ANKRD28: variants seen among roughly 807,000 people sequenced by gnomAD.
ANKRD28 encodes ankyrin repeat domain 28, also known as serine/threonine-protein phosphatase 6 regulatory ankyrin repeat subunit A.
A neutral mutation model predicts 126.5 loss-of-function variants in ANKRD28; 44 were observed. The observed-to-expected ratio is 0.35, with a 90% CI of 0.27 to 0.45. The LOEUF (loss-of-function observed/expected upper bound fraction) is 0.45, where lower values mean the gene tolerates loss of function less well. ANKRD28 is among the 20% of genes least tolerant of loss of function. The pLI is 1.00. For missense variants in ANKRD28, 1,110 were observed against 1,316.6 expected (o/e 0.84, Z 2.43); for synonymous variants, 442 against 468.5 (o/e 0.94, Z 0.73).
chr3:15,816,865 T>C lies in ANKRD28; in HGVS notation c.28-21559A>G, dbSNP rs1259471317. On this transcript the variant is annotated intron_variant, in intron 1 of 27. Transcript: ENST00000399451. This position sits in a 1 kb window ranked among gnomAD's most constrained non-coding sequence, Gnocchi z 5.0. ...GCATAGGTTGTGCATAGATTAATCATAGAGTTAAAACACATCTGAAAACCC... is the reference window on the plus strand; with the variant it reads ...GCATAGGTTGTGCATAGATTAATCACAGAGTTAAAACACATCTGAAAACCC... Among the ~76,000 whole-genome samples the C allele has an allele frequency of 2.0e-5, 3 of 152,188 alleles. No homozygotes were observed. The highest frequency in any genetic ancestry group is 4.4e-5 in the Non-Finnish European group (3 of 68,034).
chr3:15,674,697 A>G (rs927057813), intron 27 of ANKRD28, among the ~76,000 whole-genome samples: 57 of 152,210 alleles, frequency 3.7e-4, no homozygotes, highest in African/African-American at 1.3e-3. Flanking sequence ...AGAACGAAGA[A>G]TTGAGTCCTA....
intron 10 of ANKRD28, among the ~76,000 whole-genome samples, chr3:15,712,740 T>A (rs2455835): frequency 6.6e-6 from 1 of 152,020 alleles, no homozygotes; most frequent in African/African-American, 2.4e-5. Flanking sequence ...AATGAATATA[T>A]TGTGAAATCT....
rs910827835 is a variant in ANKRD28 at position 15,675,763 on chromosome 3, C to T, written c.2965+135G>A. On this transcript the variant is annotated intron_variant, in intron 27 of 27. Coordinates refer to ENST00000683139, the MANE Select transcript of ANKRD28 (RefSeq NM_001349278.2). ...TATTTCTTTTGCCCTTATTCCTTTG[C>T]CACAAACTACTCTTCAATATTAACT... The T allele has an allele frequency of 2.5e-5, 17 of 683,886 alleles. No individual in the cohort carries two copies. In the African/African-American group the frequency reaches 2.9e-4, roughly 12 times the overall value. 42.4% of individuals were successfully genotyped at this position (683,886 alleles called of 1,614,324 possible).
intron 6 of ANKRD28, chr3:15,731,921 T>C (rs1244611683): frequency 6.9e-6 from 1 of 144,262 alleles, no homozygotes; most frequent in East Asian, 2.0e-4. Flanking sequence ...GGATGTTACA[T>C]TTTTTTTTTA....
At chr3:15,678,001 A>G (rs1399973516) in intron 24 of ANKRD28, among the ~76,000 whole-genome samples, 1 of 152,178 alleles carries the variant, frequency 6.6e-6, no homozygotes, top group Non-Finnish European at 1.5e-5. Flanking sequence ...CCACTATGTT[A>G]TAAGGCCATG....
chr3:15,725,951 G>A (rs1490907588), intron 6 of ANKRD28, among the ~76,000 whole-genome samples: 2 of 152,114 alleles, frequency 1.3e-5, no homozygotes, highest in South Asian at 2.1e-4. Context: ...GCTGAGGCCC[G>A]AAAATCACTT....
At chr3:15,680,230 A>G (rs1478264620) in intron 21 of ANKRD28, among the ~76,000 whole-genome samples, 1 of 152,150 alleles carries the variant, frequency 6.6e-6, no homozygotes, top group East Asian at 1.9e-4. Context: ...TTTTAGATGG[A>G]GTCTCACTCT....
In ANKRD28 at chr3:15,807,589, T is replaced by G. The variant is rs1243474686; in HGVS notation, c.28-12283A>C. On this transcript the variant is annotated intron_variant, in intron 1 of 27. Transcript: ENST00000399451. ...CTATTAATCTCATCTTCCTTCTCTA[T>G]GAAAAGCAAGGCTAATTACTAGACA... Among the ~76,000 whole-genome samples, 5 of 152,194 alleles carry G rather than the reference T, an allele frequency of 3.3e-5. No homozygotes were observed. The East Asian group carries it at 9.6e-4, about 29-fold the overall frequency.
chr3:15,672,711 G>T (rs2066499463), intron 27 of ANKRD28, among the ~76,000 whole-genome samples: 1 of 152,152 alleles, frequency 6.6e-6, no homozygotes, highest in African/African-American at 2.4e-5. Context: ...CGGGAGTGGG[G>T]AAAGAAGCTT....
intron 4 of ANKRD28, among the ~76,000 whole-genome samples, chr3:15,746,112 A>C (rs947855708): frequency 6.6e-6 from 1 of 152,182 alleles, no homozygotes; most frequent in African/African-American, 2.4e-5. Context: ...TTTTGGAATG[A>C]GTCTTTAGGG....
At chr3:15,774,524 A>C (rs1463993507) in intron 2 of ANKRD28, among the ~76,000 whole-genome samples, 2 of 152,208 alleles carry the variant, frequency 1.3e-5, no homozygotes, top group Admixed American at 6.5e-5. Context: ...CTCACATTAT[A>C]TGTATAATTT....
intron 8 of ANKRD28, among the ~76,000 whole-genome samples, chr3:15,715,682 C>A (rs112005314): frequency 4.6e-5 from 7 of 152,278 alleles, no homozygotes; most frequent in African/African-American, 1.7e-4. Context: ...GATTTTTGGA[C>A]AAGTTGCCTA....
At chr3:15,711,306 G>C in intron 11 of ANKRD28, 32 bp from the exon 12 acceptor site, 1 of 1,542,366 alleles carries the variant, frequency 6.5e-7, no homozygotes, top group Non-Finnish European at 8.9e-7. Context: ...ATTTATAACA[G>C]ACATATTATT....
chr3:15,711,588 A>T (rs750536994), intron 11 of ANKRD28, among the ~76,000 whole-genome samples: 1 of 152,248 alleles, frequency 6.6e-6, no homozygotes, highest in South Asian at 2.1e-4. Context: ...CAAATTTTAT[A>T]GAGATGAAAA....
intron 13 of ANKRD28, among the ~76,000 whole-genome samples, chr3:15,708,809 T>C (rs2071824972): frequency 6.6e-6 from 1 of 152,206 alleles, no homozygotes; most frequent in Admixed American, 6.5e-5. Flanking sequence ...TTTCCTACCA[T>C]GCATAATTCT....
intron 17 of ANKRD28, among the ~76,000 whole-genome samples, chr3:15,692,305 C>T (rs886247851): frequency 1.3e-5 from 2 of 151,938 alleles, no homozygotes; most frequent in Admixed American, 6.6e-5. Context: ...AAGAATTAGT[C>T]GGGAATGGTG....
At chr3:15,688,232 AGATT>A (rs1436954429) in intron 18 of ANKRD28, among the ~76,000 whole-genome samples, 1 of 152,230 alleles carries the variant, frequency 6.6e-6, no homozygotes, top group African/African-American at 2.4e-5. Context: ...TTCTAGCTAT[AGATT>A]AATATTTTTA....
Position 15,669,165 on chromosome 3 carries a change from T to G in ANKRD28, c.*1105A>C, listed in dbSNP as rs1465384693. ...AAATCTTGCCCAATACAGAAATGCC[T>G]TTCAAGAGACTTTAGTGATGCTTAA... On this transcript the variant is annotated 3_prime_UTR_variant, in exon 28 of 28. Coordinates refer to ENST00000683139, the MANE Select transcript of ANKRD28 (RefSeq NM_001349278.2). 6.6e-6 allele frequency: 1 copy of G among 152,228 alleles called. No individual in the cohort carries two copies. The highest frequency in any genetic ancestry group is 6.5e-5 in the Admixed American group (1 of 15,274). The allele number at this position is 152,228 out of a possible 1,614,324, so 9.4% of individuals were successfully genotyped here. A position where few individuals can be genotyped will look rare whatever the true frequency, so the allele number is the denominator to read the frequency against.
chr3:15,784,896 G>C (rs1168724903), intron 2 of ANKRD28, among the ~76,000 whole-genome samples: 1 of 151,998 alleles, frequency 6.6e-6, no homozygotes, highest in Admixed American at 6.6e-5. Flanking sequence ...GGCAGAATCT[G>C]TCCAATATAA....
Sources: allele counts gnomAD v4.1 joint callset (sites outside exome capture counted in the v4.1 genomes callset), GRCh38; gene constraint gnomAD v4.1.1; non-coding constraint Gnocchi (gnomAD v3.1); transcripts MANE v1.5; gene names NCBI Gene and HGNC (gene_info 2026-07-23, HGNC 2026-07-21).